The following WDHD1 variants were observed in gnomAD, a reference collection of about 807,000 sequenced individuals.
The protein encoded by WDHD1 is WD repeat and HMG-box DNA-binding protein 1.
WDHD1 carries 111 observed loss-of-function variants against 135.4 expected under a neutral mutation model. The ratio of observed to expected loss-of-function variants is 0.82; its 90% CI spans 0.70 to 0.96. The LOEUF is 0.96. WDHD1 is among the 40% of genes least tolerant of loss of function. WDHD1 has a pLI of 0.00. For synonymous variants in WDHD1, 434 were observed against 439.0 expected (o/e 0.99, Z 0.14); for missense variants, 1,351 against 1,336.3 (o/e 1.01, Z -0.17).
At chr14:55,011,095 T>G (rs1452652857) in intron 3 of WDHD1, among the ~76,000 whole-genome samples, 1 of 152,234 alleles carries the variant, frequency 6.6e-6, no homozygotes, top group African/African-American at 2.4e-5. Flanking sequence ...TTTTCTGTTG[T>G]TTTAAGCCAC....
intron 18 of WDHD1, 139 bp downstream of exon 18, chr14:54,966,336 C>CA: frequency 9.8e-7 from 1 of 1,018,964 alleles, no homozygotes; most frequent in Non-Finnish European, 1.3e-6. Flanking sequence ...CTCCGTCGCA[C>CA]AAAAAACAAC....
intron 23 of WDHD1, among the ~76,000 whole-genome samples, chr14:54,955,966 C>T (rs1473208094): frequency 2.1e-5 from 3 of 144,322 alleles, no homozygotes; most frequent in African/African-American, 7.8e-5. Context: ...GGCGCTATCT[C>T]GGCTCACTGC....
intron 14 of WDHD1, among the ~76,000 whole-genome samples, chr14:54,985,304 A>G (rs1398953787): frequency 6.6e-6 from 1 of 152,236 alleles, no homozygotes; most frequent in Non-Finnish European, 1.5e-5. Context: ...GACCTCTCAG[A>G]AAGTAAAGTT....
At chr14:54,967,909 C>T (rs940893919) in intron 16 of WDHD1, among the ~76,000 whole-genome samples, 1 of 152,272 alleles carries the variant, frequency 6.6e-6, no homozygotes, top group Middle Eastern at 3.4e-3. Flanking sequence ...GCGTGAGCTA[C>T]CCTGCCCAAC....
rs1275341603 is a variant in WDHD1 at position 55,007,225 on chromosome 14, C to T, written c.600+55G>A. On this transcript the variant is annotated intron_variant, in intron 7 of 25. Coordinates refer to ENST00000360586, the MANE Select transcript of WDHD1 (RefSeq NM_007086.4). ...CATGGGAGACAGAGTGAGACTCCAT[C>T]TCTAATAAAAAAAAAAAAAAAAAAG... 3.8e-6 allele frequency: 5 copies of T among 1,306,252 alleles called. No homozygotes were observed. The South Asian group carries it at 6.7e-5, about 18-fold the overall frequency. The allele number at this position is 1,306,252 out of a possible 1,614,324, so 80.9% of individuals were successfully genotyped here. A position where few individuals can be genotyped will look rare whatever the true frequency, so the allele number is the denominator to read the frequency against.
chr14:54,962,769 A>G lies in WDHD1; in HGVS notation c.2616T>C (p.Asp872=), dbSNP rs1403184011. The stretch of plus-strand genomic sequence containing the variant: ...TATGTATTTCTGGTTTTTCTTCATC[A>G]TCAGCTTCTCCACTGTCCTCAGCAT... ...EEDAEDSGEA[D]DEEKPEIHKP... is the part of the protein sequence containing the mutation. The change falls in exon 20 of 26, where the codon GAT becomes GAC. Residue 872 remains aspartate (D), a synonymous_variant. Coordinates refer to ENST00000360586, the MANE Select transcript of WDHD1 (RefSeq NM_007086.4). The G allele has an allele frequency of 1.9e-6, 3 of 1,613,936 alleles. No individual in the cohort carries two copies. The highest frequency in any genetic ancestry group is 2.5e-6 in the Non-Finnish European group (3 of 1,180,012).
intron 21 of WDHD1, among the ~76,000 whole-genome samples, chr14:54,959,623 C>T (rs2041216966): frequency 2.0e-5 from 3 of 152,098 alleles, no homozygotes; most frequent in Non-Finnish European, 2.9e-5. Flanking sequence ...AAAAAATTAA[C>T]CAGGCATGGT....
chr14:54,961,828 C>T (rs528763094), intron 21 of WDHD1, among the ~76,000 whole-genome samples: 1 of 151,604 alleles, frequency 6.6e-6, no homozygotes, highest in East Asian at 1.9e-4. Context: ...TGTACGCAAC[C>T]ATTTTCAACT....
intron 16 of WDHD1, among the ~76,000 whole-genome samples, chr14:54,971,692 G>A (rs1239800951): frequency 8.8e-6 from 1 of 113,882 alleles, no homozygotes; most frequent in Non-Finnish European, 1.7e-5. Context: ...TAGCCTGGGT[G>A]ACAGAATGAG....
chr14:54,998,164 C>G (rs1433138458), intron 10 of WDHD1, among the ~76,000 whole-genome samples: 2 of 151,656 alleles, frequency 1.3e-5, no homozygotes, highest in African/African-American at 2.4e-5. Flanking sequence ...AGGGAGCCAC[C>G]ATTGCACTCC....
At chr14:55,012,282 T>G (rs1018674945) in intron 3 of WDHD1, among the ~76,000 whole-genome samples, 4 of 152,212 alleles carry the variant, frequency 2.6e-5, no homozygotes, top group Admixed American at 1.3e-4. Context: ...CTACCTTAAA[T>G]GCGCCTGGGT....
At chr14:54,942,592 CATCTTG>C (rs1221302309) in intron 25 of WDHD1, among the ~76,000 whole-genome samples, 2 of 152,156 alleles carry the variant, frequency 1.3e-5, no homozygotes, top group Non-Finnish European at 2.9e-5. Flanking sequence ...CTCTATTCTC[CATCTTG>C]ATCATGTTGT....
chr14:54,971,996 G>A (rs956197271), intron 16 of WDHD1, among the ~76,000 whole-genome samples: 6 of 152,128 alleles, frequency 3.9e-5, no homozygotes, highest in Non-Finnish European at 8.8e-5. Flanking sequence ...AGACCAGCCT[G>A]GGCAACATGG....
chr14:54,952,177 A>T (rs144761497), intron 24 of WDHD1, among the ~76,000 whole-genome samples: 384 of 152,314 alleles, frequency 2.5e-3, no homozygotes, highest in East Asian at 0.02. Context: ...AAGGGTATTC[A>T]ATTAGGAAAA....
intron 2 of WDHD1, among the ~76,000 whole-genome samples, chr14:55,026,060 G>A (rs978827447): frequency 6.6e-6 from 1 of 152,172 alleles, no homozygotes; most frequent in Non-Finnish European, 1.5e-5. Flanking sequence ...TTCAATGCCT[G>A]TCAATCCAAA....
In WDHD1 at chr14:55,000,213, G is replaced by A. The variant is rs549575945; in HGVS notation, c.942+290C>T. Among the ~76,000 whole-genome samples the A allele has an allele frequency of 2.2e-3, 337 of 152,244 alleles. 1 individual carries two copies. Among genetic ancestry groups the A allele is most frequent in the Non-Finnish European group, 3.5e-3 (239 of 68,002 alleles). ...TTCTAAGAGTTAAGGCTAATTCAGA[G>A]TAGAAACAGTTTGCAGGCCAAACTG... On this transcript the variant is annotated intron_variant, in intron 10 of 25. Transcript: ENST00000360586.
intron 2 of WDHD1, among the ~76,000 whole-genome samples, chr14:55,016,661 T>C (rs1382615602): frequency 6.6e-6 from 1 of 152,226 alleles, no homozygotes; most frequent in African/African-American, 2.4e-5. Flanking sequence ...TACTGAGCAA[T>C]TGAAATGTGG....
chr14:54,987,603 T>C (rs1417656105), intron 13 of WDHD1, among the ~76,000 whole-genome samples: 2 of 152,174 alleles, frequency 1.3e-5, no homozygotes, highest in Non-Finnish European at 2.9e-5. Flanking sequence ...CATACATATA[T>C]GTAAGTTATT....
chr14:55,009,171 T>C (rs926533025), intron 4 of WDHD1, among the ~76,000 whole-genome samples: 3 of 152,198 alleles, frequency 2.0e-5, no homozygotes, highest in Non-Finnish European at 4.4e-5. Flanking sequence ...ACCTTTTAGT[T>C]TTGCTCTATA....
Sources: gnomAD v4.1 joint callset for allele counts (sites outside exome capture counted in the v4.1 genomes callset) on GRCh38, gnomAD v4.1.1 for gene constraint, MANE v1.5 for transcripts, NCBI Gene and HGNC (gene_info 2026-07-23, HGNC 2026-07-21) for gene names.